The following KCNC2 variants were observed in gnomAD, a reference collection of about 807,000 sequenced individuals.
KCNC2 encodes the protein voltage-gated potassium channel KCNC2.
Under a neutral mutation model 44.5 loss-of-function variants are expected in KCNC2, and 21 were observed. The ratio of observed to expected loss-of-function variants is 0.47; its 90% CI spans 0.33 to 0.68. The LOEUF is 0.68. KCNC2 is among the 30% of genes least tolerant of loss of function. The probability of loss-of-function intolerance (pLI) is 0.01; values close to 1 mark genes in which losing one functional copy is unlikely to be tolerated. For missense variants in KCNC2, 589 were observed against 826.2 expected (o/e 0.71, Z 3.52); for synonymous variants, 391 against 339.1 (o/e 1.15, Z -1.68).
intron 2 of KCNC2, among the ~76,000 whole-genome samples, chr12:75,101,706 T>A (rs1422271863): frequency 6.6e-6 from 1 of 152,032 alleles, no homozygotes; most frequent in African/African-American, 2.4e-5. Flanking sequence ...TTTTCAAAGC[T>A]TTGGGTGTAA....
chr12:75,051,083 G>C lies in KCNC2; in HGVS notation c.922C>G (p.Leu308Val). The stretch of plus-strand genomic sequence containing the variant: ...TTCAAGAGATTTTTGATGAATTCAA[G>C]TTTATTGGGTGAAAAAACAATACGG... ...LVRIVFSPNK[L>V]EFIKNLLNII... is the part of the protein sequence containing the mutation. The change falls in exon 3 of 5, where the codon CTT becomes GTT. Residue 308 changes from leucine (L) to valine (V), a missense_variant. Leu to Val is a conservative substitution (Grantham distance 32). This residue lies in a region of KCNC2 where 67 missense variants were observed against 237.4 expected (regional missense o/e 0.28). Transcript: ENST00000549446. 6.2e-7 allele frequency: 1 copy of C among 1,613,620 alleles called. No individual in the cohort carries two copies.
chr12:75,197,753 C>A (rs942219650), intron 2 of KCNC2, among the ~76,000 whole-genome samples: 4 of 151,892 alleles, frequency 2.6e-5, no homozygotes, highest in Non-Finnish European at 5.9e-5. Flanking sequence ...CAACAACATG[C>A]TACTTTATCA....
intron 2 of KCNC2, among the ~76,000 whole-genome samples, chr12:75,191,854 T>C (rs61932903): frequency 0.078 from 11,870 of 152,042 alleles, 541 homozygotes; most frequent in Admixed American, 0.14. Flanking sequence ...CGGCCTATTA[T>C]AATCTATTTT....
intron 2 of KCNC2, among the ~76,000 whole-genome samples, chr12:75,120,309 T>C (rs995799156): frequency 6.6e-6 from 1 of 152,224 alleles, no homozygotes; most frequent in African/African-American, 2.4e-5. Flanking sequence ...TTCCTGGGCA[T>C]CTTGGCATTG....
At chr12:75,159,237 CT>C (rs1331628427) in intron 2 of KCNC2, among the ~76,000 whole-genome samples, 5 of 151,518 alleles carry the variant, frequency 3.3e-5, no homozygotes, top group African/African-American at 4.8e-5. Flanking sequence ...CCTGCACATT[CT>C]GCACATGTAT....
chr12:75,182,012 T>A (rs748183388), intron 2 of KCNC2, among the ~76,000 whole-genome samples: 1 of 130,126 alleles, frequency 7.7e-6, no homozygotes, highest in Non-Finnish European at 1.6e-5. Flanking sequence ...GAACTCATGA[T>A]CTGCCCGCCT....
At chr12:75,044,089 C>A (rs1880213151) in intron 4 of KCNC2, among the ~76,000 whole-genome samples, 1 of 151,796 alleles carries the variant, frequency 6.6e-6, no homozygotes, top group Non-Finnish European at 1.5e-5. Flanking sequence ...CTTAAGCAAC[C>A]CTATCAAGGT....
intron 2 of KCNC2, among the ~76,000 whole-genome samples, chr12:75,177,998 C>T (rs955806627): frequency 6.6e-6 from 1 of 152,084 alleles, no homozygotes; most frequent in African/African-American, 2.4e-5. Context: ...AATACCTTGT[C>T]CAATAATTTG....
chr12:75,130,874 AT>A (rs1888795062), intron 2 of KCNC2, among the ~76,000 whole-genome samples: 2 of 152,088 alleles, frequency 1.3e-5, no homozygotes, highest in Non-Finnish European at 2.9e-5. Flanking sequence ...TGTAATCCAT[AT>A]CAGCTCACTG....
chr12:75,115,292 G>A (rs1413772400), intron 2 of KCNC2, among the ~76,000 whole-genome samples: 1 of 152,186 alleles, frequency 6.6e-6, no homozygotes, highest in African/African-American at 2.4e-5. Flanking sequence ...ATCTCAGCCA[G>A]TAATCCTTCC....
intron 4 of KCNC2, chr12:75,043,889 GT>G: frequency 1.1e-6 from 1 of 895,222 alleles, no homozygotes; most frequent in Non-Finnish European, 1.6e-6. Context: ...AGTGAAATAA[GT>G]TTGAATTTGA....
chr12:75,147,630 G>A (rs1326206236), intron 2 of KCNC2, among the ~76,000 whole-genome samples: 1 of 152,120 alleles, frequency 6.6e-6, no homozygotes, highest in African/African-American at 2.4e-5. Flanking sequence ...ATAGGATAGG[G>A]AAAAAGTGTC....
Position 75,050,428 on chromosome 12 carries a change from A to G in KCNC2, c.1577T>C (p.Leu526Pro). Residue 526 changes from leucine to proline, a missense_variant, in exon 3 of 5, where the codon CTG (leucine) becomes CCG (proline). By Grantham distance (98) the Leu-to-Pro change is moderately conservative. Transcript: ENST00000549446. Reference protein sequence around the residue: ...ACNSTQSDTCLGKDNRLLEHN... With the variant: ...ACNSTQSDTCPGKDNRLLEHN... ...TTCCAGAAGTCGATTGTCTTTGCCCAGACATGTGTCACTCTGTGTACTATT... is the reference window on the plus strand; with the variant it reads ...TTCCAGAAGTCGATTGTCTTTGCCCGGACATGTGTCACTCTGTGTACTATT... The G allele has an allele frequency of 6.2e-7, 1 of 1,613,214 alleles. No individual in the cohort carries two copies.
intron 2 of KCNC2, among the ~76,000 whole-genome samples, chr12:75,107,488 C>T (rs1046931224): frequency 9.9e-5 from 15 of 152,130 alleles, no homozygotes; most frequent in African/African-American, 2.6e-4. Flanking sequence ...ATTCACTAAC[C>T]GCTGTCAGAA....
intron 2 of KCNC2, among the ~76,000 whole-genome samples, chr12:75,188,709 A>T (rs1254510710): frequency 6.6e-6 from 1 of 151,700 alleles, no homozygotes; most frequent in African/African-American, 2.4e-5. Flanking sequence ...AAATACAAAA[A>T]ATTAGCTGGG....
At chr12:75,130,239 T>C (rs1217502982) in intron 2 of KCNC2, among the ~76,000 whole-genome samples, 1 of 152,090 alleles carries the variant, frequency 6.6e-6, no homozygotes, top group African/African-American at 2.4e-5. Flanking sequence ...TACACACACA[T>C]GTATTTATAT....
chr12:75,076,934 CA>C (rs1884040283), intron 2 of KCNC2, among the ~76,000 whole-genome samples: 1 of 152,124 alleles, frequency 6.6e-6, no homozygotes, highest in Non-Finnish European at 1.5e-5. Flanking sequence ...AGTCAACTTA[CA>C]AAAATTTTAG....
At chr12:75,121,619 A>G (rs1240818831) in intron 2 of KCNC2, among the ~76,000 whole-genome samples, 2 of 152,170 alleles carry the variant, frequency 1.3e-5, no homozygotes, top group African/African-American at 2.4e-5. Flanking sequence ...AGAATGTTGT[A>G]TTAGTTGGGT....
At chr12:75,183,634 CATT>C (rs1367930662) in intron 2 of KCNC2, among the ~76,000 whole-genome samples, 1 of 152,118 alleles carries the variant, frequency 6.6e-6, no homozygotes, top group Non-Finnish European at 1.5e-5. Context: ...TTAACATAAT[CATT>C]ATGACTCGTT....
Sources: gnomAD v4.1 joint callset for allele counts (sites outside exome capture counted in the v4.1 genomes callset) on GRCh38, gnomAD v4.1.1 for gene constraint, gnomAD v4.1.1 regional missense constraint, MANE v1.5 for transcripts, NCBI Gene and HGNC (gene_info 2026-07-23, HGNC 2026-07-21) for gene names.